The following TSC22D1 variants were observed in gnomAD, a reference collection of about 807,000 sequenced individuals.
TSC22D1 encodes the protein TSC22 domain family protein 1.
In TSC22D1, 9 loss-of-function variants were observed where a neutral mutation model predicts 74.2. The ratio of observed to expected loss-of-function variants is 0.12; its 90% CI spans 0.07 to 0.21. The LOEUF (loss-of-function observed/expected upper bound fraction) is 0.21. Among genes scored for constraint, TSC22D1 ranks in the 10% least tolerant of loss-of-function variants. The pLI is 1.00. For missense variants in TSC22D1, 1,427 were observed against 1,304.7 expected (o/e 1.09, Z -1.44); for synonymous variants, 586 against 492.5 (o/e 1.19, Z -2.51).
At position 44,576,081 on chromosome 13, in the gene TSC22D1, G is replaced by C. The variant is rs1449925650; in HGVS notation, c.-7C>G. The stretch of plus-strand genomic sequence containing the variant: ...ACTCAGGCGGCTGGTGCATTGTGTT[G>C]GGTACCGGGGGCGCGGAGGAGACGA... On this transcript the variant is annotated 5_prime_UTR_variant, in exon 1 of 3. Coordinates refer to ENST00000458659, the MANE Select transcript of TSC22D1 (RefSeq NM_183422.4). 6.5e-7 allele frequency: 1 copy of C among 1,526,742 alleles called. No homozygotes were observed. Among genetic ancestry groups the C allele is most frequent in the Non-Finnish European group, 8.8e-7 (1 of 1,142,220 alleles). 94.6% of individuals were successfully genotyped at this position (1,526,742 alleles called of 1,614,324 possible).
intron 1 of TSC22D1, among the ~76,000 whole-genome samples, chr13:44,440,453 TGGTGGCACATGTCTATAATCC>T (rs1374317667): frequency 6.6e-6 from 1 of 151,616 alleles, no homozygotes; most frequent in Non-Finnish European, 1.5e-5. Context: ...TAGCTGGGCG[TGGTGGCACATGTCTATAATCC>T]CAGCTACTGG....
At chr13:44,525,602 A>C (rs891762452) in intron 1 of TSC22D1, among the ~76,000 whole-genome samples, 1 of 151,862 alleles carries the variant, frequency 6.6e-6, no homozygotes, top group African/African-American at 2.4e-5. Flanking sequence ...AAAAGTAAAA[A>C]TAAAAGGGAG....
chr13:44,447,294 A>G (rs1875758677), intron 1 of TSC22D1, among the ~76,000 whole-genome samples: 1 of 152,128 alleles, frequency 6.6e-6, no homozygotes, highest in Admixed American at 6.5e-5. Context: ...TACATGTAGT[A>G]TTTTGATTTA....
chr13:44,454,506 C>T (rs936727444), intron 1 of TSC22D1, among the ~76,000 whole-genome samples: 2 of 152,186 alleles, frequency 1.3e-5, no homozygotes, highest in African/African-American at 4.8e-5. Flanking sequence ...TCTACTCCCA[C>T]ACCAGGGGCA....
intron 1 of TSC22D1, among the ~76,000 whole-genome samples, chr13:44,479,203 T>C (rs1346302012): frequency 2.0e-5 from 3 of 152,102 alleles, no homozygotes; most frequent in South Asian, 2.1e-4. Flanking sequence ...GTCTAGAAAC[T>C]TGAAGAATGA....
intron 1 of TSC22D1, among the ~76,000 whole-genome samples, chr13:44,567,359 G>A (rs752856860): frequency 2.0e-5 from 3 of 152,124 alleles, no homozygotes; most frequent in Admixed American, 2.0e-4. Context: ...GACAAGCCAC[G>A]CTCAGAATTT....
chr13:44,534,690 CAA>C (rs1881047003), intron 1 of TSC22D1, among the ~76,000 whole-genome samples: 1 of 152,136 alleles, frequency 6.6e-6, no homozygotes, highest in African/African-American at 2.4e-5. Flanking sequence ...ATCCTCAGTA[CAA>C]GACTTCCGAG....
At chr13:44,570,095 A>C (rs1201309413) in intron 1 of TSC22D1, among the ~76,000 whole-genome samples, 36 of 152,216 alleles carry the variant, frequency 2.4e-4, no homozygotes. Context: ...CTGTGCTAAT[A>C]ACAATCACAA....
chr13:44,433,154 A>C lies in TSC22D1; in HGVS notation c.*1472T>G, dbSNP rs1481640000. ...TCTGCTTATTCCAATTATACACAGA[A>C]TAAGGCTCCTTCTTCCTCTCAGTTC... On this transcript the variant is annotated 3_prime_UTR_variant, in exon 3 of 3. Coordinates refer to ENST00000458659, the MANE Select transcript of TSC22D1 (RefSeq NM_183422.4). The C allele has an allele frequency of 6.6e-6, 1 of 152,240 alleles. No homozygotes were observed. The allele number at this position is 152,240 out of a possible 1,614,324, so 9.4% of individuals were successfully genotyped here. A position where few individuals can be genotyped will look rare whatever the true frequency, so the allele number is the denominator to read the frequency against.
intron 1 of TSC22D1, among the ~76,000 whole-genome samples, chr13:44,528,655 T>C (rs1384081809): frequency 6.6e-6 from 1 of 151,510 alleles, no homozygotes; most frequent in East Asian, 1.9e-4. Flanking sequence ...GAAAAAGAAA[T>C]CAGATCAGAA....
chr13:44,548,001 T>C (rs1008049129), intron 1 of TSC22D1, among the ~76,000 whole-genome samples: 1 of 152,170 alleles, frequency 6.6e-6, no homozygotes, highest in African/African-American at 2.4e-5. Flanking sequence ...CCTCATTCAA[T>C]CTTTAGCATA....
At position 44,434,513 on chromosome 13, in the gene TSC22D1, C is replaced by G; in HGVS notation, c.*113G>C. Reference sequence around the variant, plus strand: ...ATAATGGCATATGTCAGTCTCACGTCTCTTTCGCAGCGAGCAATGAAATGG... The same window carrying G: ...ATAATGGCATATGTCAGTCTCACGTGTCTTTCGCAGCGAGCAATGAAATGG... On this transcript the variant is annotated 3_prime_UTR_variant, in exon 3 of 3. Transcript: ENST00000458659. 1 of 1,450,022 alleles carries G rather than the reference C, an allele frequency of 6.9e-7. No homozygotes were observed. The highest frequency in any genetic ancestry group is 9.0e-7 in the Non-Finnish European group (1 of 1,105,794). 89.8% of individuals were successfully genotyped at this position (1,450,022 alleles called of 1,614,324 possible).
At chr13:44,441,721 T>A (rs1875222254) in intron 1 of TSC22D1, among the ~76,000 whole-genome samples, 2 of 152,356 alleles carry the variant, frequency 1.3e-5, no homozygotes, top group South Asian at 4.1e-4. Context: ...TTTTTTTCTA[T>A]TCATTCTATT....
At chr13:44,457,059 A>G (rs1221674855) in intron 1 of TSC22D1, among the ~76,000 whole-genome samples, 2 of 152,240 alleles carry the variant, frequency 1.3e-5, no homozygotes, top group East Asian at 3.8e-4. Context: ...GGAAAACACC[A>G]ATTTGTTCCA....
At chr13:44,539,055 A>C in intron 1 of TSC22D1, 2 of 985,396 alleles carry the variant, frequency 2.0e-6, no homozygotes, top group Non-Finnish European at 2.4e-6. Flanking sequence ...CCTTGGCATC[A>C]AAGAAACTAA....
rs763963268 is a variant in TSC22D1, at chr13:44,574,178, G to T, written c.1897C>A (p.Gln633Lys). ...GCCATCTGTGTAGAAACCATTGGTT[G>T]CTGTTGTCCATACTGTAACTGTTGG... ...PPQQLQYGQQ[Q>K]PMVSTQMAPG... The change falls in exon 1 of 3, where the codon CAA (glutamine) becomes AAA (lysine). Residue 633 changes from glutamine (Q) to lysine (K), a missense_variant. Transcript: ENST00000458659. 6.2e-7 allele frequency: 1 copy of T among 1,614,162 alleles called. No individual in the cohort carries two copies. The highest frequency in any genetic ancestry group is 8.5e-7 in the Non-Finnish European group (1 of 1,180,052).
intron 1 of TSC22D1, among the ~76,000 whole-genome samples, chr13:44,456,261 T>G (rs995241726): frequency 3.3e-5 from 5 of 152,218 alleles, no homozygotes; most frequent in African/African-American, 1.2e-4. Flanking sequence ...AGCGGGTTGC[T>G]GCTGCTGGCT....
intron 1 of TSC22D1, among the ~76,000 whole-genome samples, chr13:44,521,508 T>A (rs1273512267): frequency 6.6e-6 from 1 of 151,842 alleles, no homozygotes; most frequent in African/African-American, 2.4e-5. Context: ...AGTGGTATAT[T>A]AAAAAAAGAA....
chr13:44,505,663 ACT>A (rs760053599), intron 1 of TSC22D1, among the ~76,000 whole-genome samples: 2 of 151,898 alleles, frequency 1.3e-5, no homozygotes, highest in African/African-American at 2.4e-5. Context: ...CCCAGAAAAA[ACT>A]CTGTGATTTC....
Sources: allele counts gnomAD v4.1 joint callset (sites outside exome capture counted in the v4.1 genomes callset), GRCh38; gene constraint gnomAD v4.1.1; transcripts MANE v1.5; gene names NCBI Gene and HGNC (gene_info 2026-07-23, HGNC 2026-07-21).